The following SCD5 variants were observed in gnomAD, a reference collection of about 807,000 sequenced individuals.
The protein encoded by SCD5 is acyl-CoA-desaturase 4.
SCD5 carries 20 observed loss-of-function variants against 30.4 expected under a neutral mutation model. That is an observed-to-expected ratio of 0.66 (90% confidence interval 0.46 to 0.96). The LOEUF is 0.96. SCD5 is among the 40% of genes least tolerant of loss of function. The pLI, the probability that SCD5 is intolerant of heterozygous loss-of-function variation, is 0.00. For synonymous variants in SCD5, 173 were observed against 176.4 expected (o/e 0.98, Z 0.16); for missense variants, 381 against 443.3 (o/e 0.86, Z 1.26).
chr4:82,741,328 T>C (rs73829985), intron 1 of SCD5, among the ~76,000 whole-genome samples: 23,486 of 152,156 alleles, frequency 0.15, 3,306 homozygotes, highest in African/African-American at 0.38. Flanking sequence ...TTTCAGAGCC[T>C]GGGCCTTGAG....
rs533246757 is a variant in SCD5, at chr4:82,730,389, C to T, written c.233-24976G>A. On this transcript the variant is annotated intron_variant, in intron 1 of 4. Transcript: ENST00000319540. The stretch of plus-strand genomic sequence containing the variant: ...TTGGCTCCCTGCAACCTCCGCTTCC[C>T]GGGTTCAAGCAATTCTCCTGCCTCA... 1.7e-4 allele frequency among the ~76,000 whole-genome samples: 26 copies of T among 150,458 alleles called. 1 individual carries two copies. Among genetic ancestry groups the T allele is most frequent in the Middle Eastern group, 3.5e-3 (1 of 286 alleles).
chr4:82,783,059 GC>G (rs1321479961), intron 1 of SCD5, among the ~76,000 whole-genome samples: 2 of 152,162 alleles, frequency 1.3e-5, no homozygotes, highest in African/African-American at 4.8e-5. Context: ...CCTGGGTCTG[GC>G]CCCCAGAGAT....
At chr4:82,713,056 C>A (rs1267743904) in intron 1 of SCD5, among the ~76,000 whole-genome samples, 1 of 152,220 alleles carries the variant, frequency 6.6e-6, no homozygotes, top group Non-Finnish European at 1.5e-5. Context: ...CTGCCATCTA[C>A]CTCCCTCCAC....
At position 82,653,278 on chromosome 4, in the gene SCD5, T is replaced by C. The variant is rs971607139; in HGVS notation, c.570-16455A>G. 3.9e-5 allele frequency among the ~76,000 whole-genome samples: 6 copies of C among 152,328 alleles called. No individual in the cohort carries two copies. In the East Asian group the frequency reaches 1.2e-3, roughly 29 times the overall value. On this transcript the variant is annotated intron_variant, in intron 3 of 4. Coordinates refer to ENST00000319540, the MANE Select transcript of SCD5 (RefSeq NM_001037582.3). Reference sequence around the variant, plus strand: ...TTGGTCCCCCACACCCTCTTCTCTTTTCCTGGTAGTTGGTGCAGTTAATAA... The same window carrying C: ...TTGGTCCCCCACACCCTCTTCTCTTCTCCTGGTAGTTGGTGCAGTTAATAA...
At position 82,665,436 on chromosome 4, in the gene SCD5, T is replaced by C. The variant is rs896840656; in HGVS notation, c.569+15271A>G. ...AAACTGCTGAAAACTGAAGATAAAA[T>C]ATATTGAAGTCAGTGACAAAAAAGG... On this transcript the variant is annotated intron_variant, in intron 3 of 4. Transcript: ENST00000319540. Among the ~76,000 whole-genome samples, 8 of 150,896 alleles carry C rather than the reference T, an allele frequency of 5.3e-5. No homozygotes were observed. The East Asian group carries it at 1.6e-3, about 29-fold the overall frequency.
At chr4:82,764,860 G>A (rs1206062688) in intron 1 of SCD5, among the ~76,000 whole-genome samples, 2 of 151,716 alleles carry the variant, frequency 1.3e-5, no homozygotes, top group Admixed American at 6.6e-5. Context: ...CCAAGTAGCT[G>A]GAATTACAGG....
At chr4:82,706,813 C>A (rs1719981242) in intron 1 of SCD5, among the ~76,000 whole-genome samples, 1 of 152,246 alleles carries the variant, frequency 6.6e-6, no homozygotes, top group African/African-American at 2.4e-5. Flanking sequence ...TCTTTTGATC[C>A]TGGGAGCCTG....
intron 2 of SCD5, among the ~76,000 whole-genome samples, chr4:82,683,400 C>T (rs1244261029): frequency 6.6e-6 from 1 of 152,150 alleles, no homozygotes; most frequent in Non-Finnish European, 1.5e-5. Flanking sequence ...ATAGAAAGAA[C>T]ACTCTGTCCC....
chr4:82,642,087 A>G (rs1487752981), intron 3 of SCD5, among the ~76,000 whole-genome samples: 1 of 149,076 alleles, frequency 6.7e-6, no homozygotes, highest in African/African-American at 2.5e-5. Flanking sequence ...ACTCATCAGC[A>G]TATTTATGAT....
At chr4:82,736,006 C>T (rs1041438819) in intron 1 of SCD5, among the ~76,000 whole-genome samples, 2 of 152,192 alleles carry the variant, frequency 1.3e-5, no homozygotes, top group African/African-American at 2.4e-5. Context: ...TTATTCTTGG[C>T]CACGCACAGT....
chr4:82,650,418 C>T (rs560881617), intron 3 of SCD5, among the ~76,000 whole-genome samples: 3 of 152,250 alleles, frequency 2.0e-5, no homozygotes, highest in South Asian at 2.1e-4. Context: ...TTTGAGGTCA[C>T]GCACAGTGGC....
intron 1 of SCD5, among the ~76,000 whole-genome samples, chr4:82,759,131 C>T (rs896976976): frequency 3.9e-5 from 6 of 152,218 alleles, no homozygotes; most frequent in Non-Finnish European, 7.3e-5. Context: ...TGCGACTGAG[C>T]CTGACTGTGC....
intron 1 of SCD5, among the ~76,000 whole-genome samples, chr4:82,750,485 A>C (rs886103210): frequency 2.0e-5 from 3 of 152,234 alleles, no homozygotes; most frequent in Non-Finnish European, 4.4e-5. Context: ...AAAGATTAAG[A>C]ATGTAATGGT....
At chr4:82,728,814 A>G (rs781515235) in intron 1 of SCD5, among the ~76,000 whole-genome samples, 13 of 152,162 alleles carry the variant, frequency 8.5e-5, no homozygotes, top group Non-Finnish European at 1.6e-4. Flanking sequence ...GCTCATGTCA[A>G]TTAAACTCTT....
intron 1 of SCD5, among the ~76,000 whole-genome samples, chr4:82,717,229 G>GGA (rs1254109534): frequency 6.6e-6 from 1 of 151,832 alleles, no homozygotes; most frequent in Non-Finnish European, 1.5e-5. Context: ...TGGGTGACCA[G>GGA]GAAGCAGAGG....
chr4:82,650,868 G>C (rs1164759609), intron 3 of SCD5, among the ~76,000 whole-genome samples: 2 of 151,430 alleles, frequency 1.3e-5, no homozygotes, highest in South Asian at 4.2e-4. Flanking sequence ...ATGCATATTT[G>C]TTAATATAAA....
At chr4:82,726,678 C>G (rs1021320782) in intron 1 of SCD5, among the ~76,000 whole-genome samples, 1 of 151,950 alleles carries the variant, frequency 6.6e-6, no homozygotes, top group Non-Finnish European at 1.5e-5. Flanking sequence ...TTACTAAACT[C>G]AATGCACTGA....
intron 1 of SCD5, among the ~76,000 whole-genome samples, chr4:82,740,439 A>G (rs1369759382): frequency 6.6e-6 from 1 of 152,236 alleles, no homozygotes; most frequent in Non-Finnish European, 1.5e-5. Context: ...TGGAGCCAGT[A>G]TCAGGCTAAC....
Position 82,757,090 on chromosome 4 carries a change from ACTT to A in SCD5, c.232+41213_232+41215del, listed in dbSNP as rs371032237. 1.4e-3 allele frequency among the ~76,000 whole-genome samples: 214 copies of A among 151,792 alleles called. 1 individual carries two copies. The highest frequency in any genetic ancestry group is 2.4e-3 in the Non-Finnish European group (162 of 67,898). The stretch of plus-strand genomic sequence containing the variant: ...CACCTTCCACAGAGGGAAAACCCAA[ACTT>A]CTTAGTGTGACACATAAGGAGCCTT... On this transcript the variant is annotated intron_variant, in intron 1 of 4. Coordinates refer to ENST00000319540, the MANE Select transcript of SCD5 (RefSeq NM_001037582.3).
Sources: allele counts gnomAD v4.1 joint callset (sites outside exome capture counted in the v4.1 genomes callset), GRCh38; gene constraint gnomAD v4.1.1; transcripts MANE v1.5; gene names NCBI Gene and HGNC (gene_info 2026-07-23, HGNC 2026-07-21).